The following TAFA2 variants were observed in gnomAD, a reference collection of about 807,000 sequenced individuals.
TAFA2 encodes chemokine-like protein TAFA-2.
Under a neutral mutation model 18.8 loss-of-function variants are expected in TAFA2, and 7 were observed. The ratio of observed to expected loss-of-function variants is 0.37; its 90% confidence interval spans 0.21 to 0.70. TAFA2 has a LOEUF of 0.70. Ranked by LOEUF, TAFA2 falls within the 30% of genes least tolerant of loss-of-function variation. The pLI is 0.53. For missense variants in TAFA2, 122 were observed against 158.1 expected, an observed-to-expected ratio of 0.77 and a Z score of 1.23; for synonymous variants, 60 against 54.2, an observed-to-expected ratio of 1.11 and a Z score of -0.47.
chr12:62,152,951 T>A (rs1055565089), intron 1 of TAFA2, among the ~76,000 whole-genome samples: 3 of 152,224 alleles, frequency 2.0e-5, no homozygotes, highest in Non-Finnish European at 4.4e-5. Flanking sequence ...TGAAACTGCA[T>A]ATACTACCGG....
intron 1 of TAFA2, among the ~76,000 whole-genome samples, chr12:62,214,398 C>G (rs2062725929): frequency 6.6e-6 from 1 of 152,210 alleles, no homozygotes; most frequent in Non-Finnish European, 1.5e-5. Flanking sequence ...TAAGATGTGA[C>G]TTGCTCCTCC....
chr12:61,765,975 A>G (rs1316477862), intron 2 of TAFA2, among the ~76,000 whole-genome samples: 2 of 151,990 alleles, frequency 1.3e-5, no homozygotes, highest in African/African-American at 4.8e-5. Context: ...TAACTCCTCC[A>G]CCCCTCATTT....
chr12:61,818,670 G>C (rs1361155687), intron 2 of TAFA2, among the ~76,000 whole-genome samples: 1 of 152,084 alleles, frequency 6.6e-6, no homozygotes, highest in African/African-American at 2.4e-5. Flanking sequence ...CCCTGAGATA[G>C]TTCCAACTCA....
At chr12:61,948,419 G>A (rs1189662405) in intron 1 of TAFA2, among the ~76,000 whole-genome samples, 1 of 152,118 alleles carries the variant, frequency 6.6e-6, no homozygotes. Flanking sequence ...AAATCAACTA[G>A]AGGTAAATGT....
intron 1 of TAFA2, among the ~76,000 whole-genome samples, chr12:62,035,368 G>T (rs1048598191): frequency 6.6e-6 from 1 of 152,160 alleles, no homozygotes; most frequent in African/African-American, 2.4e-5. Flanking sequence ...TGTTAATAAT[G>T]TCCAAGGACA....
At chr12:62,077,622 A>C (rs1432044929) in intron 1 of TAFA2, among the ~76,000 whole-genome samples, 3 of 152,178 alleles carry the variant, frequency 2.0e-5, no homozygotes, top group Non-Finnish European at 4.4e-5. Context: ...TAAAGACATC[A>C]AACCTCTTTT....
chr12:61,914,853 T>C (rs187202725), intron 1 of TAFA2, among the ~76,000 whole-genome samples: 1 of 152,274 alleles, frequency 6.6e-6, no homozygotes, highest in Non-Finnish European at 1.5e-5. Context: ...ACTTATTTTA[T>C]ATATGTAGTA....
chr12:61,909,060 C>T (rs1876489831), intron 1 of TAFA2, among the ~76,000 whole-genome samples: 1 of 152,102 alleles, frequency 6.6e-6, no homozygotes, highest in African/African-American at 2.4e-5. Context: ...AGTTTGTAAT[C>T]CCATGGACAC....
At chr12:61,732,296 T>G (rs1286301833) in intron 4 of TAFA2, among the ~76,000 whole-genome samples, 1 of 152,026 alleles carries the variant, frequency 6.6e-6, no homozygotes, top group Non-Finnish European at 1.5e-5. Flanking sequence ...AAGAAAGTAG[T>G]AGGAGATGAG....
rs572088375 is a variant in TAFA2 at position 62,001,175 on chromosome 12, C to T, written c.-1-133749G>A. On this transcript the variant is annotated intron_variant, in intron 1 of 4. Transcript: ENST00000416284. ...GTTGCTAAAATTTTTTGTTCCTTCT[C>T]ATCTCTAAAATAAATGTATTGAACT... Among the ~76,000 whole-genome samples the T allele has an allele frequency of 3.9e-5, 6 of 152,172 alleles. No homozygotes were observed. The South Asian group carries it at 1.2e-3, about 32-fold the overall frequency.
At chr12:61,770,161 G>A (rs562372258) in intron 2 of TAFA2, among the ~76,000 whole-genome samples, 28 of 151,988 alleles carry the variant, frequency 1.8e-4, no homozygotes, top group Middle Eastern at 3.4e-3. Flanking sequence ...CAAAGACAAG[G>A]CTTTCAAATC....
chr12:62,201,981 T>C (rs530633932), intron 1 of TAFA2, among the ~76,000 whole-genome samples: 2 of 152,322 alleles, frequency 1.3e-5, no homozygotes, highest in East Asian at 1.9e-4. Flanking sequence ...GTTGTATGTG[T>C]CCAGGAATTT....
At chr12:61,887,256 G>C (rs1351466664) in intron 1 of TAFA2, among the ~76,000 whole-genome samples, 1 of 152,176 alleles carries the variant, frequency 6.6e-6, no homozygotes, top group African/African-American at 2.4e-5. Context: ...TGGCAGGGAA[G>C]TCTGGAGTAC....
At chr12:62,246,308 T>C (rs183800399) in intron 1 of TAFA2, among the ~76,000 whole-genome samples, 63 of 152,300 alleles carry the variant, frequency 4.1e-4, no homozygotes, top group African/African-American at 1.5e-3. Context: ...TATTCCTTTC[T>C]ATATGCTATG....
At chr12:61,836,127 G>C (rs1455705710) in intron 2 of TAFA2, among the ~76,000 whole-genome samples, 1 of 151,868 alleles carries the variant, frequency 6.6e-6, no homozygotes, top group Non-Finnish European at 1.5e-5. Context: ...AAATTGTGTA[G>C]TTACCGAGAA....
chr12:62,227,125 T>C (rs2062790314), intron 1 of TAFA2, among the ~76,000 whole-genome samples: 1 of 152,242 alleles, frequency 6.6e-6, no homozygotes, highest in African/African-American at 2.4e-5. Context: ...CTTTATTTCT[T>C]GTTATTCCAT....
At chr12:61,965,871 G>T (rs1275552042) in intron 1 of TAFA2, among the ~76,000 whole-genome samples, 1 of 151,710 alleles carries the variant, frequency 6.6e-6, no homozygotes, top group East Asian at 1.9e-4. Flanking sequence ...ACACTCAATT[G>T]CATTCAGTAA....
chr12:62,147,326 G>GTGTGTA (rs2062291084), intron 1 of TAFA2, among the ~76,000 whole-genome samples: 1 of 19,562 alleles, frequency 5.1e-5, no homozygotes, highest in Non-Finnish European at 1.2e-4. Flanking sequence ...GTGTATGTAT[G>GTGTGTA]TATATATATA....
chr12:61,981,354 C>T (rs1159935989), intron 1 of TAFA2, among the ~76,000 whole-genome samples: 1 of 152,174 alleles, frequency 6.6e-6, no homozygotes, highest in Non-Finnish European at 1.5e-5. Context: ...ACCATAAAAA[C>T]CCTAAAAGAA....
Sources: gnomAD v4.1 joint callset for allele counts (sites outside exome capture counted in the v4.1 genomes callset) on GRCh38, gnomAD v4.1.1 for gene constraint, MANE v1.5 for transcripts, NCBI Gene and HGNC (gene_info 2026-07-23, HGNC 2026-07-21) for gene names.